Variants in TRDMT1 observed in about 807,000 individuals in gnomAD.
TRDMT1 encodes tRNA (cytosine(38)-C(5))-methyltransferase.
In TRDMT1, 49 loss-of-function variants were observed where a neutral mutation model predicts 51.2. That is an observed-to-expected ratio of 0.96 (90% CI 0.76 to 1.21). The LOEUF (loss-of-function observed/expected upper bound fraction) is 1.21. Among genes scored for constraint, TRDMT1 ranks in the 50% most tolerant of loss-of-function variants. The pLI is 0.00. For missense variants in TRDMT1, 534 were observed against 462.3 expected, an observed-to-expected ratio of 1.16 and a Z score of -1.42; for synonymous variants, 187 against 164.6, an observed-to-expected ratio of 1.14 and a Z score of -1.04.
intron 3 of TRDMT1, among the ~76,000 whole-genome samples, chr10:17,164,404 C>G (rs1173265199): frequency 1.3e-5 from 2 of 152,154 alleles, no homozygotes; most frequent in East Asian, 1.9e-4. Context: ...AAACCCACAG[C>G]CAATATCATA....
At chr10:17,193,963 T>C (rs2131615095) in intron 1 of TRDMT1, among the ~76,000 whole-genome samples, 1 of 152,124 alleles carries the variant, frequency 6.6e-6, no homozygotes, top group South Asian at 2.1e-4. Flanking sequence ...AAAACAGACA[T>C]ATCAGACAAA....
At chr10:17,181,805 T>C (rs753497709) in intron 1 of TRDMT1, among the ~76,000 whole-genome samples, 6 of 152,236 alleles carry the variant, frequency 3.9e-5, no homozygotes, top group Non-Finnish European at 5.9e-5. Context: ...TGAGATTACC[T>C]ATCATGTACT....
intron 10 of TRDMT1, among the ~76,000 whole-genome samples, chr10:17,149,752 C>T (rs563270908): frequency 2.2e-4 from 34 of 152,182 alleles, no homozygotes; most frequent in African/African-American, 7.2e-4. Context: ...TCTTTTGTGT[C>T]TGGTTTCTTT....
intron 3 of TRDMT1, among the ~76,000 whole-genome samples, chr10:17,163,633 A>G (rs1164639699): frequency 6.6e-6 from 1 of 152,098 alleles, no homozygotes; most frequent in Non-Finnish European, 1.5e-5. Flanking sequence ...AGCAAGACTA[A>G]TAAAGAAGAG....
intron 1 of TRDMT1, among the ~76,000 whole-genome samples, chr10:17,194,978 A>G (rs1452695167): frequency 6.6e-6 from 1 of 151,090 alleles, no homozygotes; most frequent in African/African-American, 2.4e-5. Flanking sequence ...AGATGCTGGC[A>G]AGGCTGCGGA....
Position 17,144,564 on chromosome 10 carries a change from TGG to T in TRDMT1, c.*4474_*4475del, listed in dbSNP as rs1837944623. The T allele has an allele frequency of 1.0e-6, 1 of 985,578 alleles. No homozygotes were observed. Among genetic ancestry groups the T allele is most frequent in the South Asian group, 4.7e-5 (1 of 21,292 alleles). The allele number at this position is 985,578 out of a possible 1,614,324, so 61.1% of individuals were successfully genotyped here. On this transcript the variant is annotated 3_prime_UTR_variant, in exon 11 of 11. Transcript: ENST00000377799. ...GGCTGAAAGTAAGACTCAGAATCTATGGTAAATATAAAGCCAATGTATATGAG... is the reference window on the plus strand; with the variant it reads ...GGCTGAAAGTAAGACTCAGAATCTATTAAATATAAAGCCAATGTATATGAG...
Position 17,159,237 on chromosome 10 carries a change from C to G in TRDMT1, c.460-8G>C, listed in dbSNP as rs1839972884. On this transcript the variant is annotated splice_region_variant and splice_polypyrimidine_tract_variant and intron_variant, in intron 6 of 10. Transcript: ENST00000377799. ...TGAATTTGGAATGCCAAGCTGTAAG[C>G]AAAGCAAAGCAGTTAGTTACTCTAA... is the stretch of plus-strand genomic sequence containing the variant. The G allele has an allele frequency of 3.2e-6, 5 of 1,583,400 alleles. No individual in the cohort carries two copies. The highest frequency in any genetic ancestry group is 2.3e-5 in the South Asian group (2 of 86,066).
At chr10:17,189,799 A>G (rs1202194467) in intron 1 of TRDMT1, among the ~76,000 whole-genome samples, 1 of 152,142 alleles carries the variant, frequency 6.6e-6, no homozygotes, top group Non-Finnish European at 1.5e-5. Context: ...GTTCTTTTTG[A>G]ACCAAAATTC....
Position 17,140,117 on chromosome 10 carries a change from C to T in TRDMT1, c.*8923G>A, listed in dbSNP as rs543899044. On this transcript the variant is annotated 3_prime_UTR_variant, in exon 11 of 11. Coordinates refer to ENST00000377799, the MANE Select transcript of TRDMT1 (RefSeq NM_004412.7). ...CTGGAATGATGCAATGGCACGACCTCGGCTCACTGCAACCTCCGCCTCCCA... is the reference window on the plus strand; with the variant it reads ...CTGGAATGATGCAATGGCACGACCTTGGCTCACTGCAACCTCCGCCTCCCA... Among the ~76,000 whole-genome samples the T allele has an allele frequency of 3.5e-5, 5 of 140,850 alleles. No homozygotes were observed. The highest frequency in any genetic ancestry group is 2.2e-4 in the Admixed American group (3 of 13,554). The allele number at this position is 140,850 out of a possible 152,430, so 92.4% of individuals were successfully genotyped here.
Position 17,146,532 on chromosome 10 carries a change from A to G in TRDMT1, c.*2508T>C, listed in dbSNP as rs923748039. 3.0e-6 allele frequency: 3 copies of G among 984,980 alleles called. No homozygotes were observed. The highest frequency in any genetic ancestry group is 3.6e-6 in the Non-Finnish European group (3 of 829,614). 61.0% of individuals were successfully genotyped at this position (984,980 alleles called of 1,614,324 possible). ...GGTCATCTCTTAGAATTAGTTTTGG[A>G]TCCTGAAGACATACTAAAAATATGA... is the stretch of plus-strand genomic sequence containing the variant. On this transcript the variant is annotated 3_prime_UTR_variant, in exon 11 of 11. Coordinates refer to ENST00000377799, the MANE Select transcript of TRDMT1 (RefSeq NM_004412.7).
chr10:17,185,661 T>C (rs558026969), intron 1 of TRDMT1, among the ~76,000 whole-genome samples: 386 of 152,270 alleles, frequency 2.5e-3, no homozygotes, highest in Non-Finnish European at 3.4e-3. Flanking sequence ...CCAACCCAAA[T>C]GTCCATCAAT....
rs1390869029 is a variant in TRDMT1 at position 17,201,625 on chromosome 10, G to A, written c.10C>T (p.Leu4=). The A allele has an allele frequency of 1.5e-5, 23 of 1,545,188 alleles. No individual in the cohort carries two copies. The highest frequency in any genetic ancestry group is 1.9e-5 in the Non-Finnish European group (22 of 1,144,938). Residue 4 remains leucine (L), a synonymous_variant, in exon 1 of 11, where the codon CTG becomes TTG. Coordinates refer to ENST00000377799, the MANE Select transcript of TRDMT1 (RefSeq NM_004412.7). The part of the protein sequence containing the change: MEP[L]RVLELYSGVG... The stretch of plus-strand genomic sequence containing the variant: ...CCGCTGTATAGCTCCAGCACCCGCA[G>A]GGGCTCCATCCCCGCGCCTCAGCCG...
chr10:17,160,662 A>C (rs928773688), intron 5 of TRDMT1, among the ~76,000 whole-genome samples: 2 of 152,008 alleles, frequency 1.3e-5, no homozygotes, highest in African/African-American at 4.8e-5. Context: ...TAGTAGATAC[A>C]GGGTTTCACC....
Position 17,148,739 on chromosome 10 carries a change from T to C in TRDMT1, c.*301A>G. On this transcript the variant is annotated 3_prime_UTR_variant, in exon 11 of 11. Coordinates refer to ENST00000377799, the MANE Select transcript of TRDMT1 (RefSeq NM_004412.7). ...GATACTCATGTAGACACTAAAGCTC[T>C]AGTGCTCCTTGATTTGTTTATAAAA... The C allele has an allele frequency of 2.0e-6, 2 of 1,020,302 alleles. No homozygotes were observed. The highest frequency in any genetic ancestry group is 2.3e-6 in the Non-Finnish European group (2 of 851,556). 63.2% of individuals were successfully genotyped at this position (1,020,302 alleles called of 1,614,324 possible).
rs183753003 is a variant in TRDMT1 at position 17,145,947 on chromosome 10, T to C, written c.*3093A>G. The C allele has an allele frequency of 2.0e-6, 2 of 985,318 alleles. No individual in the cohort carries two copies. The highest frequency in any genetic ancestry group is 1.1e-4 in the East Asian group (1 of 8,812). The allele number at this position is 985,318 out of a possible 1,614,324, so 61.0% of individuals were successfully genotyped here. ...TCAGAAGTCTCCAGCTTAATCACTC[T>C]AGACCTCAACTAGGTTGAGATGGGA... is the stretch of plus-strand genomic sequence containing the variant. On this transcript the variant is annotated 3_prime_UTR_variant, in exon 11 of 11. Transcript: ENST00000377799.
chr10:17,201,511 C>G (rs7910436), intron 1 of TRDMT1, 60 bp downstream of exon 1: 45 of 1,478,286 alleles, frequency 3.0e-5, no homozygotes, highest in Middle Eastern at 1.7e-4. Context: ...CTTCCCGGCG[C>G]GGGTGCTCCA....
chr10:17,143,166 A>C lies in TRDMT1; in HGVS notation c.*5874T>G, dbSNP rs1465328799. 1.0e-6 allele frequency: 1 copy of C among 985,314 alleles called. No homozygotes were observed. Among genetic ancestry groups the C allele is most frequent in the Non-Finnish European group, 1.2e-6 (1 of 829,944 alleles). 61.0% of individuals were successfully genotyped at this position (985,314 alleles called of 1,614,324 possible). ...GAGAACAACTTAAAGACATTGTTTG[A>C]ACTCCACAGTGTGGTGCTTTCTATG... On this transcript the variant is annotated 3_prime_UTR_variant, in exon 11 of 11. Coordinates refer to ENST00000377799, the MANE Select transcript of TRDMT1 (RefSeq NM_004412.7).
intron 1 of TRDMT1, among the ~76,000 whole-genome samples, chr10:17,180,496 C>A (rs1011940190): frequency 1.3e-5 from 2 of 148,396 alleles, no homozygotes; most frequent in Admixed American, 6.7e-5. Flanking sequence ...GCCGAGATTG[C>A]GCCACTTCAC....
chr10:17,168,641 C>T (rs931610287), intron 3 of TRDMT1, among the ~76,000 whole-genome samples, 200 bp downstream of exon 3: 3 of 152,186 alleles, frequency 2.0e-5, no homozygotes, highest in Non-Finnish European at 4.4e-5. Context: ...GGCAGTTTCC[C>T]TGCACAACAT....
Sources: gnomAD v4.1 joint callset for allele counts (sites outside exome capture counted in the v4.1 genomes callset) on GRCh38, gnomAD v4.1.1 for gene constraint, MANE v1.5 for transcripts, NCBI Gene and HGNC (gene_info 2026-07-23, HGNC 2026-07-21) for gene names.